The following THSD7B variants were observed in gnomAD, a reference collection of about 807,000 sequenced individuals.
The protein encoded by THSD7B is thrombospondin type-1 domain-containing protein 7B.
In THSD7B, 138 loss-of-function variants were observed where a neutral mutation model predicts 213.6. The ratio of observed to expected loss-of-function variants is 0.65; its 90% confidence interval spans 0.56 to 0.74. The LOEUF (loss-of-function observed/expected upper bound fraction) is 0.74. Ranked by LOEUF, THSD7B falls within the 30% of genes least tolerant of loss-of-function variation. The pLI, the probability that THSD7B is intolerant of heterozygous loss-of-function variation, is 0.00. For synonymous variants in THSD7B, 742 were observed against 687.0 expected, an observed-to-expected ratio of 1.08 and a Z score of -1.25; for missense variants, 1,931 against 1,991.5, an observed-to-expected ratio of 0.97 and a Z score of 0.58.
intron 12 of THSD7B, among the ~76,000 whole-genome samples, chr2:137,284,889 G>C (rs1444105890): frequency 2.0e-5 from 3 of 152,102 alleles, no homozygotes. Flanking sequence ...GATTTGGGGT[G>C]GAGAGTTCTG....
chr2:136,958,082 A>C (rs13409532), intron 2 of THSD7B, among the ~76,000 whole-genome samples: 11,279 of 152,234 alleles, frequency 0.074, 675 homozygotes, highest in African/African-American at 0.16. Context: ...AAACAAATTA[A>C]TATTCTCATC....
chr2:137,176,803 G>A (rs1375220609), intron 7 of THSD7B, among the ~76,000 whole-genome samples: 2 of 152,172 alleles, frequency 1.3e-5, no homozygotes, highest in East Asian at 3.8e-4. Context: ...TAGCCTGGAG[G>A]TGTATGTTTG....
intron 2 of THSD7B, among the ~76,000 whole-genome samples, chr2:136,972,608 T>C (rs1685421717): frequency 6.6e-6 from 1 of 152,190 alleles, no homozygotes; most frequent in Non-Finnish European, 1.5e-5. Flanking sequence ...ATTTAGGTTG[T>C]TGAAAATTTT....
chr2:137,322,699 G>T (rs1419215536), intron 12 of THSD7B, among the ~76,000 whole-genome samples: 1 of 152,110 alleles, frequency 6.6e-6, no homozygotes, highest in Non-Finnish European at 1.5e-5. Context: ...CTTCAGCTGA[G>T]ATTTGATTAG....
intron 14 of THSD7B, among the ~76,000 whole-genome samples, chr2:137,437,006 C>A (rs537310535): frequency 2.0e-5 from 3 of 152,164 alleles, no homozygotes; most frequent in Admixed American, 2.0e-4. Flanking sequence ...TAATTATTTC[C>A]AATAGCAGCA....
At chr2:137,226,049 T>C (rs1483414951) in intron 7 of THSD7B, among the ~76,000 whole-genome samples, 1 of 151,852 alleles carries the variant, frequency 6.6e-6, no homozygotes, top group Admixed American at 6.6e-5. Context: ...TGAGTTCCAC[T>C]AAATTTGCTA....
At chr2:137,139,561 T>C (rs1190852689) in intron 5 of THSD7B, among the ~76,000 whole-genome samples, 3 of 152,166 alleles carry the variant, frequency 2.0e-5, no homozygotes, top group South Asian at 2.1e-4. Context: ...GATTTTTTTC[T>C]ATCTATATTT....
intron 6 of THSD7B, among the ~76,000 whole-genome samples, chr2:137,165,856 A>G (rs1680118761): frequency 2.0e-5 from 3 of 152,102 alleles, no homozygotes; most frequent in African/African-American, 7.2e-5. Context: ...AGCAAAAAAA[A>G]ATGAATGTGG....
intron 4 of THSD7B, among the ~76,000 whole-genome samples, chr2:137,103,507 T>C (rs891764344): frequency 3.9e-5 from 6 of 152,148 alleles, no homozygotes; most frequent in South Asian, 2.1e-4. Flanking sequence ...AGCATCATAA[T>C]GACAGGATCA....
At chr2:136,975,322 A>G (rs1262280609) in intron 2 of THSD7B, among the ~76,000 whole-genome samples, 1 of 151,950 alleles carries the variant, frequency 6.6e-6, no homozygotes, top group South Asian at 2.1e-4. Context: ...AGGGTTTTAT[A>G]GTTTTGGGCT....
At chr2:137,057,334 G>A in intron 3 of THSD7B, 104 bp downstream of exon 3, 1 of 1,195,510 alleles carries the variant, frequency 8.4e-7, no homozygotes, top group Non-Finnish European at 1.1e-6. Context: ...TGGCAACGAG[G>A]TTTATAATTT....
At chr2:137,628,707 G>A (rs904172856) in intron 20 of THSD7B, among the ~76,000 whole-genome samples, 1 of 152,172 alleles carries the variant, frequency 6.6e-6, no homozygotes, top group Non-Finnish European at 1.5e-5. Flanking sequence ...ATAAAGGAGA[G>A]CATGGAAAAG....
chr2:136,776,133 G>A (rs572017859), intron 1 of THSD7B, among the ~76,000 whole-genome samples: 11 of 152,124 alleles, frequency 7.2e-5, no homozygotes, highest in African/African-American at 2.2e-4. Flanking sequence ...GATGCTTCAC[G>A]GGTAATTATT....
At chr2:136,945,715 T>C (rs1291062695) in intron 2 of THSD7B, among the ~76,000 whole-genome samples, 2 of 151,940 alleles carry the variant, frequency 1.3e-5, no homozygotes, top group Admixed American at 6.6e-5. Flanking sequence ...TTTATTTCAT[T>C]AATTTGATCT....
intron 1 of THSD7B, among the ~76,000 whole-genome samples, chr2:136,778,082 A>G (rs146013140): frequency 7.9e-5 from 12 of 152,340 alleles, no homozygotes; most frequent in Admixed American, 4.6e-4. Context: ...ATTCTGGTTG[A>G]TGGAATTATC....
At chr2:136,978,617 T>C (rs1685523946) in intron 2 of THSD7B, among the ~76,000 whole-genome samples, 1 of 152,224 alleles carries the variant, frequency 6.6e-6, no homozygotes, top group Non-Finnish European at 1.5e-5. Flanking sequence ...CCCCTGCTTT[T>C]TTCTACTTTC....
chr2:136,923,527 C>T (rs1684471209), intron 2 of THSD7B, among the ~76,000 whole-genome samples: 1 of 152,114 alleles, frequency 6.6e-6, no homozygotes, highest in African/African-American at 2.4e-5. Flanking sequence ...TTTGAGGGGC[C>T]TCCATACTGT....
intron 15 of THSD7B, among the ~76,000 whole-genome samples, chr2:137,473,866 C>A (rs1393216851): frequency 6.6e-6 from 1 of 152,176 alleles, no homozygotes; most frequent in Admixed American, 6.5e-5. Context: ...CTACAAATCA[C>A]ACTTTGAAAA....
At chr2:137,393,681 T>C (rs12990308) in intron 12 of THSD7B, among the ~76,000 whole-genome samples, 62,380 of 135,776 alleles carry the variant, frequency 0.46, 19,724 homozygotes, top group East Asian at 0.66. Context: ...TACCCAGTAA[T>C]GGGATGGCTG....
Sources: allele counts gnomAD v4.1 joint callset (sites outside exome capture counted in the v4.1 genomes callset), GRCh38; gene constraint gnomAD v4.1.1; transcripts MANE v1.5; gene names NCBI Gene and HGNC (gene_info 2026-07-23, HGNC 2026-07-21).